Variants in C11orf97 observed in about 807,000 individuals in gnomAD.
C11orf97 encodes the protein chromosome 11 open reading frame 97.
A neutral mutation model predicts 16.2 loss-of-function variants in C11orf97; 15 were observed. That is an observed-to-expected ratio of 0.93 (90% confidence interval 0.62 to 1.43). The LOEUF is 1.43. Ranked by LOEUF, C11orf97 falls within the 40% of genes most tolerant of loss-of-function variation. The pLI, the probability that C11orf97 is intolerant of heterozygous loss-of-function variation, is 0.00. For synonymous variants in C11orf97, 61 were observed against 65.7 expected, an observed-to-expected ratio of 0.93 and a Z score of 0.34; for missense variants, 171 against 161.2, an observed-to-expected ratio of 1.06 and a Z score of -0.33.
intron 2 of C11orf97, among the ~76,000 whole-genome samples, chr11:94,522,396 G>A (rs890768155): frequency 3.3e-5 from 5 of 152,110 alleles, no homozygotes; most frequent in African/African-American, 7.2e-5. Context: ...AATTAGCCGG[G>A]CGTGGTGGCG....
At chr11:94,528,479 C>A (rs1462194490) in intron 3 of C11orf97, among the ~76,000 whole-genome samples, 1 of 152,228 alleles carries the variant, frequency 6.6e-6, no homozygotes, top group Non-Finnish European at 1.5e-5. Context: ...TCTATCTACA[C>A]AAGACTTTCT....
intron 3 of C11orf97, 74 bp from the exon 4 acceptor site, chr11:94,531,822 T>C (rs1330159403): frequency 2.5e-6 from 3 of 1,213,070 alleles, no homozygotes; most frequent in Non-Finnish European, 3.3e-6. Context: ...CAAATTTAGA[T>C]TAAAATGGGT....
At chr11:94,519,119 A>G (rs1207316671) in intron 2 of C11orf97, among the ~76,000 whole-genome samples, 2 of 152,116 alleles carry the variant, frequency 1.3e-5, no homozygotes, top group African/African-American at 4.8e-5. Flanking sequence ...CATGTTGGTC[A>G]GGTTGGTCTT....
At chr11:94,523,941 G>C (rs773315051) in intron 2 of C11orf97, among the ~76,000 whole-genome samples, 11 of 152,176 alleles carry the variant, frequency 7.2e-5, no homozygotes, top group Non-Finnish European at 1.3e-4. Flanking sequence ...AGTGACAATA[G>C]AAATAATGGG....
At chr11:94,523,961 C>T (rs920065354) in intron 2 of C11orf97, among the ~76,000 whole-genome samples, 1 of 152,152 alleles carries the variant, frequency 6.6e-6, no homozygotes, top group Non-Finnish European at 1.5e-5. Context: ...GCTAACAGGC[C>T]TCTTGTCCTC....
rs141055397 is a variant in C11orf97 at position 94,514,471 on chromosome 11, T to A, written c.145+1798T>A. Among the ~76,000 whole-genome samples the A allele has an allele frequency of 8.0e-4, 122 of 152,294 alleles. 1 individual carries two copies. The East Asian group carries it at 0.02, about 25-fold the overall frequency. ...CTGTAATTATTGGAAAAGTCTTCAG[T>A]CTCTTTACAGCTTCTATTCCCTATA... On this transcript the variant is annotated intron_variant, in intron 1 of 3. Coordinates refer to ENST00000542198, the MANE Select transcript of C11orf97 (RefSeq NM_001190462.2).
At chr11:94,531,526 C>CAAAAAAAAAAAAA (rs35270400) in intron 3 of C11orf97, among the ~76,000 whole-genome samples, 8 of 92,078 alleles carry the variant, frequency 8.7e-5, no homozygotes, top group Admixed American at 1.3e-4. Flanking sequence ...CAAAACAAGC[C>CAAAAAAAAAAAAA]AAAAAAAAAA....
intron 2 of C11orf97, among the ~76,000 whole-genome samples, chr11:94,520,914 T>C (rs1947652832): frequency 6.6e-6 from 1 of 152,232 alleles, no homozygotes; most frequent in African/African-American, 2.4e-5. Flanking sequence ...TGGCTTTTTA[T>C]TATTCTGAGA....
intron 3 of C11orf97, among the ~76,000 whole-genome samples, 155 bp downstream of exon 3, chr11:94,528,364 G>A (rs1424222522): frequency 3.9e-5 from 6 of 152,184 alleles, no homozygotes; most frequent in African/African-American, 1.4e-4. Context: ...GCCATATTAT[G>A]TGATTATGGA....
At position 94,528,225 on chromosome 11, in the gene C11orf97, C is replaced by T. The variant is rs1180940066; in HGVS notation, c.376+16C>T. ...GGACTCAGAAGTAAGACCCTGATGC[C>T]CTTGACTTCCACTGAAGCCCCTGAG... On this transcript the variant is annotated intron_variant, in intron 3 of 3. Transcript: ENST00000542198. The T allele has an allele frequency of 1.2e-5, 18 of 1,526,596 alleles. No homozygotes were observed. In the Admixed American group the frequency reaches 3.5e-4, roughly 30 times the overall value. The allele number at this position is 1,526,596 out of a possible 1,614,324, so 94.6% of individuals were successfully genotyped here. A position where few individuals can be genotyped will look rare whatever the true frequency, so the allele number is the denominator to read the frequency against.
chr11:94,514,784 A>C (rs1947598965), intron 1 of C11orf97, among the ~76,000 whole-genome samples: 1 of 151,634 alleles, frequency 6.6e-6, no homozygotes, highest in Admixed American at 6.6e-5. Flanking sequence ...AGCTGGGACC[A>C]CAGGCATGCA....
At chr11:94,514,207 A>G (rs1947591007) in intron 1 of C11orf97, among the ~76,000 whole-genome samples, 1 of 152,134 alleles carries the variant, frequency 6.6e-6, no homozygotes. Flanking sequence ...TGGGATTAAC[A>G]TTCACTCATC....
chr11:94,514,774 A>G (rs948446252), intron 1 of C11orf97, among the ~76,000 whole-genome samples: 12 of 150,706 alleles, frequency 8.0e-5, no homozygotes, highest in African/African-American at 2.9e-4. Flanking sequence ...CCTTCCAGGT[A>G]GCTGGGACCA....
chr11:94,517,972 A>G (rs2135178709), intron 2 of C11orf97, among the ~76,000 whole-genome samples: 1 of 152,108 alleles, frequency 6.6e-6, no homozygotes, highest in Non-Finnish European at 1.5e-5. Flanking sequence ...ACACGGTGAA[A>G]ACCCGTCTCT....
At chr11:94,519,950 C>T (rs773748522) in intron 2 of C11orf97, among the ~76,000 whole-genome samples, 2 of 152,242 alleles carry the variant, frequency 1.3e-5, no homozygotes, top group Non-Finnish European at 2.9e-5. Flanking sequence ...CTTTATATAT[C>T]TGATGACAGC....
chr11:94,528,620 T>G (rs910372793), intron 3 of C11orf97, among the ~76,000 whole-genome samples: 1 of 152,212 alleles, frequency 6.6e-6, no homozygotes, highest in Non-Finnish European at 1.5e-5. Flanking sequence ...GCCACTTTGC[T>G]TGGCTCTCTT....
chr11:94,517,772 T>C, intron 2 of C11orf97, 85 bp downstream of exon 2: 3 of 907,734 alleles, frequency 3.3e-6, no homozygotes, highest in Non-Finnish European at 4.7e-6. Context: ...TATAAAACCA[T>C]ACTATTGAAA....
intron 2 of C11orf97, among the ~76,000 whole-genome samples, chr11:94,521,559 T>C (rs1281118931): frequency 6.6e-6 from 1 of 152,216 alleles, no homozygotes; most frequent in Non-Finnish European, 1.5e-5. Flanking sequence ...TTTTTCAGGA[T>C]GTAACTCCGT....
Position 94,512,613 on chromosome 11 carries a change from G to C in C11orf97, c.85G>C (p.Gly29Arg). 1.6e-6 allele frequency: 2 copies of C among 1,267,764 alleles called. No individual in the cohort carries two copies. The highest frequency in any genetic ancestry group is 2.0e-6 in the Non-Finnish European group (2 of 1,005,778). 78.5% of individuals were successfully genotyped at this position (1,267,764 alleles called of 1,614,324 possible). The change falls in exon 1 of 4, where the codon GGG becomes CGG. Residue 29 changes from glycine (G) to arginine (R), a missense_variant. Transcript: ENST00000542198. ...AGAGGAGCAGCCTCCTCCGCCAGCAGGGCTGGGGTGCGGGGCGCGCGGGGA... is the reference window on the plus strand; with the variant it reads ...AGAGGAGCAGCCTCCTCCGCCAGCACGGCTGGGGTGCGGGGCGCGCGGGGA... ...REEEQPPPPA[G>R]LGCGARGEPG...
Sources: allele counts gnomAD v4.1 joint callset (sites outside exome capture counted in the v4.1 genomes callset), GRCh38; gene constraint gnomAD v4.1.1; transcripts MANE v1.5; gene names NCBI Gene and HGNC (gene_info 2026-07-23, HGNC 2026-07-21).